The following RPL28 variants were observed in gnomAD, a reference collection of about 807,000 sequenced individuals.
RPL28 encodes large ribosomal subunit protein eL28.
In RPL28, 4 loss-of-function variants were observed where a neutral mutation model predicts 12.5. The ratio of observed to expected loss-of-function variants is 0.32; its 90% CI spans 0.16 to 0.73. The LOEUF is 0.73. Ranked by LOEUF, RPL28 falls within the 30% of genes least tolerant of loss-of-function variation. The pLI is 0.66. For synonymous variants in RPL28, 91 were observed against 72.5 expected, an observed-to-expected ratio of 1.26 and a Z score of -1.30; for missense variants, 214 against 197.7, an observed-to-expected ratio of 1.08 and a Z score of -0.49.
chr19:55,387,211 G>T, intron 3 of RPL28: 3 of 1,431,956 alleles, frequency 2.1e-6, no homozygotes, highest in Middle Eastern at 1.8e-4. Flanking sequence ...CTGAATGTTC[G>T]TGTGAGTCGG....
At position 55,391,719 on chromosome 19, in the gene RPL28, G is replaced by C; in HGVS notation, c.*3387G>C. ...AAGATTAAATGTGCAAAACCTGCTT[G>C]ACTGTGCCCACAAATCCTGATTGTA... On this transcript the variant is annotated 3_prime_UTR_variant, in exon 5 of 5. Transcript: ENST00000344063. 6.6e-7 allele frequency: 1 copy of C among 1,518,862 alleles called. No individual in the cohort carries two copies. The highest frequency in any genetic ancestry group is 2.5e-5 in the East Asian group (1 of 40,088). 94.1% of individuals were successfully genotyped at this position (1,518,862 alleles called of 1,614,324 possible).
chr19:55,386,550 T>G lies in RPL28; in HGVS notation c.82-20T>G. The G allele has an allele frequency of 6.2e-7, 1 of 1,602,050 alleles. No homozygotes were observed. On this transcript the variant is annotated intron_variant, in intron 2 of 4. Coordinates refer to ENST00000344063, the MANE Select transcript of RPL28 (RefSeq NM_000991.5). The stretch of plus-strand genomic sequence containing the variant: ...CTCCGGGTCCCTTATTCACGATGCC[T>G]TGTGCCGCCTCCTTCCCAGGAGCCC...
In RPL28 at chr19:55,388,834, G is replaced by A. The variant is rs763532392; in HGVS notation, c.*502G>A. On this transcript the variant is annotated 3_prime_UTR_variant, in exon 5 of 5. Transcript: ENST00000344063. ...GAGTGGGTGCAGCCACATTTGGAGG[G>A]GATGGGCTTTACTTGATGCAACCTC... 6 of 987,444 alleles carry A rather than the reference G, an allele frequency of 6.1e-6. No homozygotes were observed. The highest frequency in any genetic ancestry group is 5.1e-4 in the Middle Eastern group (1 of 1,952). The allele number at this position is 987,444 out of a possible 1,614,324, so 61.2% of individuals were successfully genotyped here.
chr19:55,403,041 CTG>C lies in RPL28; in HGVS notation c.427_428del (p.Val143HisfsTer22). 1.4e-6 allele frequency: 2 copies of C among 1,463,882 alleles called. No individual in the cohort carries two copies. Among genetic ancestry groups the C allele is most frequent in the Non-Finnish European group, 9.3e-7 (1 of 1,080,848 alleles). 90.7% of individuals were successfully genotyped at this position (1,463,882 alleles called of 1,614,324 possible). A position where few individuals can be genotyped will look rare whatever the true frequency, so the allele number is the denominator to read the frequency against. On this transcript the variant is annotated frameshift_variant, in exon 5 of 5. Transcript: ENST00000560055. LOFTEE classifies it low-confidence loss of function (END_TRUNC). ...TCAGCAACACCGCAGCCAGGTCATT[CTG>C]TGTCATGGAGCCATCTCGTACGCTG...
chr19:55,387,050 G>A, intron 3 of RPL28: 1 of 1,440,748 alleles, frequency 6.9e-7, no homozygotes, highest in Non-Finnish European at 9.1e-7. Context: ...GCACAACAGG[G>A]GAGGGGCCCT....
Position 55,388,431 on chromosome 19 carries a change from T to C in RPL28, c.*99T>C, listed in dbSNP as rs1196561907. On this transcript the variant is annotated 3_prime_UTR_variant, in exon 5 of 5. Coordinates refer to ENST00000344063, the MANE Select transcript of RPL28 (RefSeq NM_000991.5). ...CTCTGGGGAGCTCTGGCCCTGTGTG[T>C]TGTCATTCAGGCCATGTCATCAAAA... 6.5e-6 allele frequency: 9 copies of C among 1,375,456 alleles called. No homozygotes were observed. Among genetic ancestry groups the C allele is most frequent in the Admixed American group, 3.6e-5 (1 of 27,836 alleles). The allele number at this position is 1,375,456 out of a possible 1,614,324, so 85.2% of individuals were successfully genotyped here. A position where few individuals can be genotyped will look rare whatever the true frequency, so the allele number is the denominator to read the frequency against.
At position 55,388,655 on chromosome 19, in the gene RPL28, A is replaced by G; in HGVS notation, c.*323A>G. ...GCTGGGGCAGTGGCTTCCATTCAGA[A>G]GAAGAAAGGCCTTTTCTAGCCCAGA... On this transcript the variant is annotated 3_prime_UTR_variant, in exon 5 of 5. Transcript: ENST00000344063. 1 of 1,154,704 alleles carries G rather than the reference A, an allele frequency of 8.7e-7. No individual in the cohort carries two copies. The highest frequency in any genetic ancestry group is 1.1e-6 in the Non-Finnish European group (1 of 938,930). 71.5% of individuals were successfully genotyped at this position (1,154,704 alleles called of 1,614,324 possible).
At chr19:55,395,738 C>T (rs540977660), downstream of RPL28, among the ~76,000 whole-genome samples, 6 of 152,210 alleles carry the variant, frequency 3.9e-5, no homozygotes, top group South Asian at 2.1e-4. Context: ...CCACCGCGCC[C>T]AGCCTCTTTT....
chr19:55,389,581 T>C lies in RPL28; in HGVS notation c.*1249T>C. The stretch of plus-strand genomic sequence containing the variant: ...TGTCAGGGCCTCGACTTGCCATTGG[T>C]TGGGGTCGTACGGGGCTGGGAGCCC... On this transcript the variant is annotated 3_prime_UTR_variant, in exon 5 of 5. Transcript: ENST00000344063. The C allele has an allele frequency of 1.0e-6, 1 of 985,412 alleles. No homozygotes were observed. The highest frequency in any genetic ancestry group is 1.2e-6 in the Non-Finnish European group (1 of 829,936). 61.0% of individuals were successfully genotyped at this position (985,412 alleles called of 1,614,324 possible).
rs1410434258 is a variant in RPL28, at chr19:55,390,514, G to A, written c.*2182G>A. ...GAGGCTTTCTGATGTGGCTGCTGCT[G>A]CTCAGAAGGCCTTGTCCTTAACCAC... On this transcript the variant is annotated 3_prime_UTR_variant, in exon 5 of 5. Coordinates refer to ENST00000344063, the MANE Select transcript of RPL28 (RefSeq NM_000991.5). The A allele has an allele frequency of 2.0e-6, 2 of 985,384 alleles. No homozygotes were observed. Among genetic ancestry groups the A allele is most frequent in the African/African-American group, 1.7e-5 (1 of 57,230 alleles). 61.0% of individuals were successfully genotyped at this position (985,384 alleles called of 1,614,324 possible). A position where few individuals can be genotyped will look rare whatever the true frequency, so the allele number is the denominator to read the frequency against.
At chr19:55,403,191 G>A in exon 5 of RPL28, 1 of 657,900 alleles carries the variant, frequency 1.5e-6, no homozygotes, top group South Asian at 1.7e-5. Context: ...ATCACCTCTG[G>A]CTGAGAAACA....
chr19:55,386,265 C>T (rs547813095), intron 1 of RPL28, 85 bp from the exon 2 acceptor site: 26 of 1,287,730 alleles, frequency 2.0e-5, no homozygotes, highest in Admixed American at 1.9e-4. Flanking sequence ...TCGCTCTCTT[C>T]CTCTGCTGTC....
At position 55,386,454 on chromosome 19, in the gene RPL28, A is replaced by C; in HGVS notation, c.81+16A>C. Reference sequence around the variant, plus strand: ...CTACAGCACTGTAAGTGGGGCCCGGATGCGTGGCTCCTGCGGGAGGAGGGT... The same window carrying C: ...CTACAGCACTGTAAGTGGGGCCCGGCTGCGTGGCTCCTGCGGGAGGAGGGT... On this transcript the variant is annotated intron_variant, in intron 2 of 4. Coordinates refer to ENST00000344063, the MANE Select transcript of RPL28 (RefSeq NM_000991.5). 6.2e-7 allele frequency: 1 copy of C among 1,613,228 alleles called. No homozygotes were observed. Among genetic ancestry groups the C allele is most frequent in the Non-Finnish European group, 8.5e-7 (1 of 1,179,264 alleles).
downstream of RPL28, among the ~76,000 whole-genome samples, chr19:55,392,868 G>A (rs2123291982): frequency 6.6e-6 from 1 of 152,200 alleles, no homozygotes; most frequent in East Asian, 1.9e-4. Context: ...ATTGGATCAT[G>A]GCAACAGGAA....
Position 55,390,559 on chromosome 19 carries a change from G to T in RPL28, c.*2227G>T. Reference sequence around the variant, plus strand: ...AACCACCTCCTTGCCTGCCCTGGAGGCTTGTGCCTCTAGGCCCCACCCCCT... The same window carrying T: ...AACCACCTCCTTGCCTGCCCTGGAGTCTTGTGCCTCTAGGCCCCACCCCCT... On this transcript the variant is annotated 3_prime_UTR_variant, in exon 5 of 5. Coordinates refer to ENST00000344063, the MANE Select transcript of RPL28 (RefSeq NM_000991.5). 1.0e-6 allele frequency: 1 copy of T among 985,596 alleles called. No homozygotes were observed. The highest frequency in any genetic ancestry group is 1.2e-6 in the Non-Finnish European group (1 of 830,078). The allele number at this position is 985,596 out of a possible 1,614,324, so 61.1% of individuals were successfully genotyped here.
chr19:55,389,009 A>T lies in RPL28; in HGVS notation c.*677A>T. 1 of 985,248 alleles carries T rather than the reference A, an allele frequency of 1.0e-6. No homozygotes were observed. The highest frequency in any genetic ancestry group is 4.7e-5 in the South Asian group (1 of 21,260). 61.0% of individuals were successfully genotyped at this position (985,248 alleles called of 1,614,324 possible). ...TCCCCATCCCTCCCCTGTCTCTTTG[A>T]GCTGGCTCTTGTCACTTAGGTCTCA... On this transcript the variant is annotated 3_prime_UTR_variant, in exon 5 of 5. Coordinates refer to ENST00000344063, the MANE Select transcript of RPL28 (RefSeq NM_000991.5).
chr19:55,401,116 C>A (rs1041717299), intron 4 of RPL28: 4 of 418,178 alleles, frequency 9.6e-6, no homozygotes, highest in African/African-American at 4.1e-5. Flanking sequence ...CTCCACAGAA[C>A]AAAGAGGTGG....
chr19:55,386,878 T>A, intron 3 of RPL28, 185 bp downstream of exon 3: 1 of 1,542,604 alleles, frequency 6.5e-7, no homozygotes, highest in Non-Finnish European at 8.7e-7. Context: ...CGCGCGCGTC[T>A]GAGCCCGTGT....
intron 4 of RPL28, chr19:55,402,895 G>A (rs941582192): frequency 6.8e-7 from 1 of 1,479,190 alleles, no homozygotes; most frequent in Non-Finnish European, 9.0e-7. Flanking sequence ...TCTCTGCCAT[G>A]TGCCCCAGGG....
Sources: allele counts gnomAD v4.1 joint callset (sites outside exome capture counted in the v4.1 genomes callset), GRCh38; gene constraint gnomAD v4.1.1; transcripts MANE v1.5; gene names NCBI Gene and HGNC (gene_info 2026-07-23, HGNC 2026-07-21).